SGCD: variants seen among roughly 807,000 people sequenced by gnomAD.
SGCD encodes sarcoglycan delta, also known as delta-sarcoglycan.
SGCD carries 18 observed loss-of-function variants against 36.6 expected under a neutral mutation model. That is an observed-to-expected ratio of 0.49 (90% confidence interval 0.34 to 0.73). SGCD has a LOEUF of 0.73. SGCD is among the 30% of genes least tolerant of loss of function. SGCD has a pLI of 0.01. For missense variants in SGCD, 387 were observed against 346.7 expected (o/e 1.12, Z -0.92); for synonymous variants, 133 against 130.6 (o/e 1.02, Z -0.12).
chr5:156,633,255 T>G (rs1256534795), intron 6 of SGCD, among the ~76,000 whole-genome samples: 1 of 152,206 alleles, frequency 6.6e-6, no homozygotes, highest in Non-Finnish European at 1.5e-5. Context: ...CTGTGTTTAG[T>G]TTCAGTTCTC....
At chr5:156,208,921 A>G (rs1414547759) in intron 3 of SGCD, among the ~76,000 whole-genome samples, 1 of 152,194 alleles carries the variant, frequency 6.6e-6, no homozygotes, top group Non-Finnish European at 1.5e-5. Flanking sequence ...ATAAGAAAAA[A>G]TGTATCAAAG....
intron 3 of SGCD, among the ~76,000 whole-genome samples, chr5:156,479,542 C>A (rs1755336149): frequency 6.6e-6 from 1 of 152,140 alleles, no homozygotes; most frequent in African/African-American, 2.4e-5. Flanking sequence ...GAGTTTGGGA[C>A]CCCTGTCTTA....
intron 3 of SGCD, among the ~76,000 whole-genome samples, chr5:156,499,840 T>A (rs553176725): frequency 3.3e-5 from 5 of 152,238 alleles, no homozygotes; most frequent in Non-Finnish European, 5.9e-5. Flanking sequence ...AAGAAGATGG[T>A]TCAGTATTCT....
At chr5:155,848,352 C>A in the SGCD span, among the ~76,000 whole-genome samples, 1 of 152,050 alleles carries the variant, frequency 6.6e-6, no homozygotes, top group African/African-American at 2.4e-5. Flanking sequence ...TCCATATACC[C>A]CTGAGTTTTG....
At position 156,439,733 on chromosome 5, in the gene SGCD, G is replaced by A. The variant is rs189974121; in HGVS notation, c.193-68868G>A. On this transcript the variant is annotated intron_variant, in intron 3 of 8. Transcript: ENST00000337851. Reference sequence around the variant, plus strand: ...GGAAGCTGCTTTAGCATGAACTCTTGAAAAGCAATGCATAGGAACATTTTG... The same window carrying A: ...GGAAGCTGCTTTAGCATGAACTCTTAAAAAGCAATGCATAGGAACATTTTG... Among the ~76,000 whole-genome samples, 92 of 152,254 alleles carry A rather than the reference G, an allele frequency of 6.0e-4. No homozygotes were observed. The Middle Eastern group carries it at 0.01, about 17-fold the overall frequency.
rs139972622 is a variant in SGCD at position 156,440,419 on chromosome 5, G to A, written c.193-68182G>A. ...TTTTAGCTATTATAAATAATGCTGC[G>A]ATGAACAACATTTGTGTACACATTT... On this transcript the variant is annotated intron_variant, in intron 3 of 8. Transcript: ENST00000337851. Among the ~76,000 whole-genome samples, 117 of 152,182 alleles carry A rather than the reference G, an allele frequency of 7.7e-4. 1 individual carries two copies. The East Asian group carries it at 0.011, about 15-fold the overall frequency.
intron 3 of SGCD, among the ~76,000 whole-genome samples, chr5:156,204,418 A>G (rs754666439): frequency 6.6e-6 from 1 of 152,062 alleles, no homozygotes; most frequent in Non-Finnish European, 1.5e-5. Flanking sequence ...AAATATATAT[A>G]TAAGGTATCC....
chr5:156,077,730 C>G (rs1160698652), intron 1 of SGCD, among the ~76,000 whole-genome samples: 1 of 152,170 alleles, frequency 6.6e-6, no homozygotes, highest in African/African-American at 2.4e-5. Flanking sequence ...GATAATCTCT[C>G]CTTTCTAAGA....
chr5:155,972,811 G>T (rs1758033717), intron 1 of SGCD, among the ~76,000 whole-genome samples: 1 of 151,968 alleles, frequency 6.6e-6, no homozygotes, highest in Non-Finnish European at 1.5e-5. Context: ...GCATTTCTTG[G>T]ATTAACAGTG....
intron 3 of SGCD, among the ~76,000 whole-genome samples, chr5:156,227,821 G>A (rs1764896559): frequency 6.6e-6 from 1 of 151,992 alleles, no homozygotes; most frequent in African/African-American, 2.4e-5. Context: ...CTGTCTCCCG[G>A]GGGTTTTGAT....
chr5:156,343,604 G>A (rs1309655600), intron 2 of SGCD, among the ~76,000 whole-genome samples: 2 of 152,156 alleles, frequency 1.3e-5, no homozygotes, highest in Non-Finnish European at 2.9e-5. Flanking sequence ...TTGACAATTA[G>A]TAATTCTAGT....
chr5:156,031,333 G>T (rs1480277168), intron 1 of SGCD, among the ~76,000 whole-genome samples: 1 of 152,088 alleles, frequency 6.6e-6, no homozygotes, highest in Admixed American at 6.5e-5. Flanking sequence ...GAGACAAGAG[G>T]CCTAGAAACC....
chr5:156,387,569 G>A (rs1303125020), intron 3 of SGCD, among the ~76,000 whole-genome samples: 1 of 152,154 alleles, frequency 6.6e-6, no homozygotes, highest in Non-Finnish European at 1.5e-5. Flanking sequence ...CCCAGCTGAA[G>A]GCAAAATATT....
At chr5:155,948,933 T>A (rs566269236) in intron 1 of SGCD, among the ~76,000 whole-genome samples, 2 of 152,046 alleles carry the variant, frequency 1.3e-5, no homozygotes, top group Non-Finnish European at 2.9e-5. Flanking sequence ...AACCGACAAA[T>A]GCAGTTCAAA....
chr5:156,404,310 A>G (rs1267632304), intron 3 of SGCD, among the ~76,000 whole-genome samples: 2 of 152,158 alleles, frequency 1.3e-5, no homozygotes, highest in Non-Finnish European at 2.9e-5. Context: ...ACTTCTTCAT[A>G]TTTGTCAGGG....
chr5:155,973,608 AG>A (rs1390898986), intron 1 of SGCD, among the ~76,000 whole-genome samples: 2 of 152,226 alleles, frequency 1.3e-5, no homozygotes, highest in Non-Finnish European at 2.9e-5. Flanking sequence ...TCTGCAAGTT[AG>A]TGGGGCCATA....
At chr5:155,846,051 C>T in the SGCD span, among the ~76,000 whole-genome samples, 1 of 152,144 alleles carries the variant, frequency 6.6e-6, no homozygotes, top group East Asian at 1.9e-4. Flanking sequence ...TGCAGCTATC[C>T]ATGGAAGATT....
chr5:156,702,376 C>G (rs1754562224), intron 7 of SGCD, among the ~76,000 whole-genome samples: 1 of 152,034 alleles, frequency 6.6e-6, no homozygotes, highest in African/African-American at 2.4e-5. Context: ...TTTATGAACT[C>G]TTTTACCCTT....
the SGCD span, among the ~76,000 whole-genome samples, chr5:155,848,553 A>G: frequency 1.3e-5 from 2 of 152,142 alleles, no homozygotes; most frequent in African/African-American, 2.4e-5. Context: ...AAGCCCTTTC[A>G]TCGTTTTCTT....
Sources: allele counts gnomAD v4.1 joint callset (sites outside exome capture counted in the v4.1 genomes callset), GRCh38; gene constraint gnomAD v4.1.1; transcripts MANE v1.5; gene names NCBI Gene and HGNC (gene_info 2026-07-23, HGNC 2026-07-21).